The following SGK3 variants were observed in gnomAD, a reference collection of about 807,000 sequenced individuals.
SGK3 encodes the protein serum/glucocorticoid regulated kinase family member 3.
A neutral mutation model predicts 68.5 loss-of-function variants in SGK3; 47 were observed. The ratio of observed to expected loss-of-function variants is 0.69; its 90% CI spans 0.54 to 0.87. SGK3 has a LOEUF of 0.87. Ranked by LOEUF, SGK3 falls within the 40% of genes least tolerant of loss-of-function variation. SGK3 has a pLI of 0.00. For synonymous variants in SGK3, 181 were observed against 189.1 expected (o/e 0.96, Z 0.35); for missense variants, 479 against 575.5 (o/e 0.83, Z 1.72).
At chr8:66,746,022 G>T (rs1450169573) in intron 1 of SGK3, among the ~76,000 whole-genome samples, 1 of 152,184 alleles carries the variant, frequency 6.6e-6, no homozygotes, top group Non-Finnish European at 1.5e-5. Flanking sequence ...ATTTATTAAA[G>T]CTGAGCCAGC....
chr8:66,809,265 T>C (rs534522544), intron 4 of SGK3, among the ~76,000 whole-genome samples: 5 of 152,192 alleles, frequency 3.3e-5, no homozygotes, highest in Admixed American at 6.5e-5. Context: ...AGCATTCAGA[T>C]TGTGATCTCT....
intron 4 of SGK3, among the ~76,000 whole-genome samples, chr8:66,809,216 A>G (rs1290965153): frequency 6.6e-6 from 1 of 152,166 alleles, no homozygotes; most frequent in Non-Finnish European, 1.5e-5. Flanking sequence ...CTCTCCTGGA[A>G]ATGCCTAAAA....
chr8:66,828,736 C>T, intron 7 of SGK3, 33 bp downstream of exon 7: 1 of 1,612,192 alleles, frequency 6.2e-7, no homozygotes, highest in African/African-American at 1.3e-5. Context: ...AATTTTTTAA[C>T]TGAATTTTAG....
rs556110896 is a variant in SGK3 at position 66,847,169 on chromosome 8, T to C, written c.1075-24T>C. The C allele has an allele frequency of 1.4e-5, 22 of 1,587,014 alleles. 1 individual carries two copies. The African/African-American group carries it at 1.8e-4, about 13-fold the overall frequency. On this transcript the variant is annotated intron_variant, in intron 14 of 16. Coordinates refer to ENST00000521198, the MANE Select transcript of SGK3 (RefSeq NM_001033578.3). ...CGCATAATTTGTTTACCACTAAGTTTATTTTGCTTTTTTTTTTTTCCAGCC... is the reference window on the plus strand; with the variant it reads ...CGCATAATTTGTTTACCACTAAGTTCATTTTGCTTTTTTTTTTTTCCAGCC...
Position 66,861,831 on chromosome 8 carries a change from T to C in SGK3, c.*2250T>C, listed in dbSNP as rs910423994. On this transcript the variant is annotated 3_prime_UTR_variant, in exon 17 of 17. Coordinates refer to ENST00000521198, the MANE Select transcript of SGK3 (RefSeq NM_001033578.3). ...GTAAGTTTTGTTTTTCACAAAGCTC[T>C]TATTATGAAGCAAAATAAAAATTCT... 3 of 152,220 alleles carry C rather than the reference T, an allele frequency of 2.0e-5. No homozygotes were observed. Among genetic ancestry groups the C allele is most frequent in the Non-Finnish European group, 4.4e-5 (3 of 68,040 alleles). 9.4% of individuals were successfully genotyped at this position (152,220 alleles called of 1,614,324 possible).
intron 6 of SGK3, among the ~76,000 whole-genome samples, chr8:66,823,807 G>A (rs1447311201): frequency 6.6e-6 from 1 of 152,136 alleles, no homozygotes; most frequent in African/African-American, 2.4e-5. Context: ...GAAGTAAATT[G>A]TAATAATTTA....
chr8:66,775,555 A>C (rs1806671747), intron 1 of SGK3: 2 of 152,202 alleles, frequency 1.3e-5, no homozygotes, highest in African/African-American at 2.4e-5. Context: ...ACTTCGCGGC[A>C]CTCATTCACT....
At chr8:66,768,370 TC>T (rs921596394) in intron 1 of SGK3, among the ~76,000 whole-genome samples, 1 of 152,112 alleles carries the variant, frequency 6.6e-6, no homozygotes, top group Non-Finnish European at 1.5e-5. Flanking sequence ...CTGAAGGGCT[TC>T]CTTGAATGTT....
chr8:66,854,433 G>C (rs2116124), intron 16 of SGK3, among the ~76,000 whole-genome samples: 2 of 152,180 alleles, frequency 1.3e-5, no homozygotes, highest in Non-Finnish European at 2.9e-5. Flanking sequence ...GAAGGGGGTA[G>C]ATGTGGTATT....
At chr8:66,845,736 A>G (rs1000526198) in intron 14 of SGK3, among the ~76,000 whole-genome samples, 2 of 148,978 alleles carry the variant, frequency 1.3e-5, no homozygotes, top group Non-Finnish European at 3.0e-5. Context: ...TTATTTATTT[A>G]TAGTAGAGAC....
At chr8:66,800,621 C>T (rs1807903761) in intron 3 of SGK3, among the ~76,000 whole-genome samples, 1 of 151,910 alleles carries the variant, frequency 6.6e-6, no homozygotes, top group African/African-American at 2.4e-5. Context: ...TCTAGCTGTA[C>T]CACTTCCTGT....
chr8:66,719,362 T>C (rs1428770168), intron 1 of SGK3, among the ~76,000 whole-genome samples: 1 of 152,100 alleles, frequency 6.6e-6, no homozygotes, highest in Non-Finnish European at 1.5e-5. Context: ...GGTTTTAGTC[T>C]ATCTCCCAGG....
At chr8:66,828,425 T>G (rs1809155271) in intron 6 of SGK3, among the ~76,000 whole-genome samples, 1 of 152,216 alleles carries the variant, frequency 6.6e-6, no homozygotes, top group East Asian at 1.9e-4. Context: ...TGGCTTACCT[T>G]TTTTCTTACA....
At chr8:66,853,800 G>C (rs1002067435) in intron 16 of SGK3, among the ~76,000 whole-genome samples, 2 of 152,140 alleles carry the variant, frequency 1.3e-5, no homozygotes, top group Non-Finnish European at 2.9e-5. Flanking sequence ...GCAGCTGATA[G>C]AGAAAGGATA....
chr8:66,830,428 C>T (rs183856455), intron 7 of SGK3, among the ~76,000 whole-genome samples: 24 of 152,278 alleles, frequency 1.6e-4, no homozygotes, highest in African/African-American at 5.8e-4. Flanking sequence ...TCTGGTTTTA[C>T]TCTCATGTTT....
chr8:66,820,735 G>T (rs1808776851), intron 5 of SGK3, among the ~76,000 whole-genome samples: 1 of 151,896 alleles, frequency 6.6e-6, no homozygotes, highest in Non-Finnish European at 1.5e-5. Flanking sequence ...ACAAGTTGTT[G>T]CTTTGTCACC....
intron 3 of SGK3, 106 bp downstream of exon 3, chr8:66,798,731 GTC>G: frequency 2.1e-6 from 2 of 951,046 alleles, no homozygotes; most frequent in Non-Finnish European, 3.0e-6. Context: ...ATGTTAATAT[GTC>G]AGACAGGCAG....
At chr8:66,756,377 A>C (rs1805972680) in intron 1 of SGK3, among the ~76,000 whole-genome samples, 1 of 152,088 alleles carries the variant, frequency 6.6e-6, no homozygotes, top group Non-Finnish European at 1.5e-5. Flanking sequence ...TGGAGTAAAA[A>C]AAAATGTATG....
In SGK3 at chr8:66,861,141, A is replaced by C. The variant is rs1810732905; in HGVS notation, c.*1560A>C. 1.3e-5 allele frequency: 2 copies of C among 152,214 alleles called. No homozygotes were observed. Among genetic ancestry groups the C allele is most frequent in the South Asian group, 2.1e-4 (1 of 4,836 alleles). The allele number at this position is 152,214 out of a possible 1,614,324, so 9.4% of individuals were successfully genotyped here. A position where few individuals can be genotyped will look rare whatever the true frequency, so the allele number is the denominator to read the frequency against. Reference sequence around the variant, plus strand: ...CCCTAGTTAAGAGAAAAAAAAAGTAAAAACAAATTGTGGGTCAAAGTAAAT... The same window carrying C: ...CCCTAGTTAAGAGAAAAAAAAAGTACAAACAAATTGTGGGTCAAAGTAAAT... On this transcript the variant is annotated 3_prime_UTR_variant, in exon 17 of 17. Transcript: ENST00000521198.
Sources: allele counts gnomAD v4.1 joint callset (sites outside exome capture counted in the v4.1 genomes callset), GRCh38; gene constraint gnomAD v4.1.1; transcripts MANE v1.5; gene names NCBI Gene and HGNC (gene_info 2026-07-23, HGNC 2026-07-21).